Variants in PTH1R observed in about 807,000 individuals in gnomAD.
PTH1R encodes parathyroid hormone/parathyroid hormone-related peptide receptor.
In PTH1R, 32 loss-of-function variants were observed where a neutral mutation model predicts 70.7. The observed-to-expected ratio is 0.45, with a 90% CI of 0.34 to 0.61. PTH1R has a LOEUF of 0.61. PTH1R is among the 20% of genes least tolerant of loss of function. The probability of loss-of-function intolerance (pLI) is 0.01; values close to 1 mark genes in which losing one functional copy is unlikely to be tolerated. For synonymous variants in PTH1R, 329 were observed against 324.8 expected, an observed-to-expected ratio of 1.01 and a Z score of -0.14; for missense variants, 626 against 792.5, an observed-to-expected ratio of 0.79 and a Z score of 2.52.
rs775620857 is a variant in PTH1R, at chr3:46,903,242, C to G, written c.1396-28C>G. ...GCATCGCTGGGGTTGGGAGACACACCTGACTGCCGCACCCTTACTGCCCCA... is the reference window on the plus strand; with the variant it reads ...GCATCGCTGGGGTTGGGAGACACACGTGACTGCCGCACCCTTACTGCCCCA... On this transcript the variant is annotated intron_variant, in intron 15 of 15. Coordinates refer to ENST00000449590, the MANE Select transcript of PTH1R (RefSeq NM_000316.3). The surrounding 1 kb of genome is among the most constrained non-coding windows in gnomAD (Gnocchi z 4.4). 5 of 1,611,120 alleles carry G rather than the reference C, an allele frequency of 3.1e-6. No homozygotes were observed. The highest frequency in any genetic ancestry group is 4.2e-6 in the Non-Finnish European group (5 of 1,179,680).
intron 8 of PTH1R, 92 bp downstream of exon 8, chr3:46,898,564 C>CCGGCGGGTGTCCCTACCTA: frequency 6.3e-7 from 1 of 1,598,454 alleles, no homozygotes; most frequent in South Asian, 1.1e-5. Flanking sequence ...CCCATCACCC[C>CCGGCGGGTGTCCCTACCTA]CGGCGGGTGT....
chr3:46,894,730 G>T (rs2031636965), intron 4 of PTH1R, among the ~76,000 whole-genome samples: 1 of 152,018 alleles, frequency 6.6e-6, no homozygotes, highest in African/African-American at 2.4e-5. Context: ...CCCAGTCCAG[G>T]CTGCTTGGAC....
At chr3:46,899,583 G>C in intron 10 of PTH1R, 127 bp downstream of exon 10, 1 of 1,231,778 alleles carries the variant, frequency 8.1e-7, no homozygotes, top group Non-Finnish European at 1.1e-6. Context: ...CAGGAGAGAG[G>C]CCTGCCGCCC....
At chr3:46,900,748 T>C (rs1332384333) in intron 10 of PTH1R, among the ~76,000 whole-genome samples, 4 of 152,110 alleles carry the variant, frequency 2.6e-5, no homozygotes, top group Non-Finnish European at 5.9e-5. Flanking sequence ...AGTGATACCT[T>C]ATTATTATAT....
At chr3:46,878,174 T>C (rs2030343960) in intron 1 of PTH1R, among the ~76,000 whole-genome samples, 1 of 152,186 alleles carries the variant, frequency 6.6e-6, no homozygotes, top group African/African-American at 2.4e-5. Flanking sequence ...ATGCTTCTGC[T>C]GCAAGGGAAG....
Position 46,902,820 on chromosome 3 carries a change from AG to A in PTH1R, c.1395+33del. On this transcript the variant is annotated intron_variant, in intron 15 of 15. Coordinates refer to ENST00000449590, the MANE Select transcript of PTH1R (RefSeq NM_000316.3). The surrounding 1 kb of genome is among the most constrained non-coding windows in gnomAD (Gnocchi z 5.4). ...GCAGGAGACAGTGTTGGCATAGGGCAGGGTGGGGCAGATACCCCAGAGGCTT... is the reference window on the plus strand; with the variant it reads ...GCAGGAGACAGTGTTGGCATAGGGCAGGTGGGGCAGATACCCCAGAGGCTT... The A allele has an allele frequency of 6.2e-7, 1 of 1,613,246 alleles. No homozygotes were observed. Among genetic ancestry groups the A allele is most frequent in the Non-Finnish European group, 8.5e-7 (1 of 1,179,806 alleles).
Position 46,901,280 on chromosome 3 carries a change from A to G in PTH1R, c.1050-134A>G. ...CAAAGAGGCCTGTGAGGGAGGCCTCAGGCCTGGCCACACCCAGCACCCCTG... is the reference window on the plus strand; with the variant it reads ...CAAAGAGGCCTGTGAGGGAGGCCTCGGGCCTGGCCACACCCAGCACCCCTG... On this transcript the variant is annotated intron_variant, in intron 11 of 15. Transcript: ENST00000449590. This position sits in a 1 kb window ranked among gnomAD's most constrained non-coding sequence, Gnocchi z 7.3. 2 of 1,296,806 alleles carry G rather than the reference A, an allele frequency of 1.5e-6. No homozygotes were observed. Among genetic ancestry groups the G allele is most frequent in the Non-Finnish European group, 2.2e-6 (2 of 921,624 alleles). The allele number at this position is 1,296,806 out of a possible 1,614,324, so 80.3% of individuals were successfully genotyped here.
At chr3:46,899,717 C>G (rs1296250498) in intron 10 of PTH1R, among the ~76,000 whole-genome samples, 1 of 152,198 alleles carries the variant, frequency 6.6e-6, no homozygotes, top group Non-Finnish European at 1.5e-5. Flanking sequence ...GAGGAACCAT[C>G]AGGCCAAGAT....
At position 46,903,431 on chromosome 3, in the gene PTH1R, C is replaced by T. The variant is rs1475236504; in HGVS notation, c.1557C>T (p.Ser519=). ...GTGTGGGACTCGGCCTGCCCCTCAG[C>T]CCCCGCCTACTGCCCACTGCCACCA... is the stretch of plus-strand genomic sequence containing the variant. The part of the protein sequence containing the change: ...GPRVGLGLPL[S]PRLLPTATTN... The change falls in exon 16 of 16, where the codon AGC becomes AGT. Residue 519 remains serine (S), a synonymous_variant. Coordinates refer to ENST00000449590, the MANE Select transcript of PTH1R (RefSeq NM_000316.3). This position sits in a 1 kb window ranked among gnomAD's most constrained non-coding sequence, Gnocchi z 4.4. The T allele has an allele frequency of 6.2e-6, 10 of 1,613,256 alleles. No homozygotes were observed. The Admixed American group carries it at 1.5e-4, about 24-fold the overall frequency.
At chr3:46,881,926 T>C (rs1307155633) in intron 2 of PTH1R, 1 of 152,118 alleles carries the variant, frequency 6.6e-6, no homozygotes, top group Non-Finnish European at 1.5e-5. Context: ...TCAGGGTCTC[T>C]ATTCGCCAGC....
rs1249451742 is a variant in PTH1R at position 46,882,768 on chromosome 3, C to G, written c.-48-744C>G. ...AGCTAGAGACGGACTGACAGACAGG[C>G]AGACCGACAGAGCGTCGGGGCCGCT... is the stretch of plus-strand genomic sequence containing the variant. On this transcript the variant is annotated intron_variant, in intron 2 of 15. Transcript: ENST00000449590. The surrounding 1 kb of genome is among the most constrained non-coding windows in gnomAD (Gnocchi z 4.3). Among the ~76,000 whole-genome samples, 2 of 152,076 alleles carry G rather than the reference C, an allele frequency of 1.3e-5. No homozygotes were observed. The highest frequency in any genetic ancestry group is 2.9e-5 in the Non-Finnish European group (2 of 67,978).
Position 46,884,817 on chromosome 3 carries a change from G to A in PTH1R, c.75+1183G>A, listed in dbSNP as rs2030912420. Among the ~76,000 whole-genome samples the A allele has an allele frequency of 6.6e-6, 1 of 152,184 alleles. No individual in the cohort carries two copies. Among genetic ancestry groups the A allele is most frequent in the African/African-American group, 2.4e-5 (1 of 41,440 alleles). On this transcript the variant is annotated intron_variant, in intron 3 of 15. Transcript: ENST00000449590. The surrounding 1 kb of genome is among the most constrained non-coding windows in gnomAD (Gnocchi z 4.8). ...TCTCCGTGCCTCAGTTGCCCCATCT[G>A]TAAAAGAGAGGGCCTGGAAGAAACA...
rs1172497722 is a variant in PTH1R, at chr3:46,884,595, G to C, written c.75+961G>C. Reference sequence around the variant, plus strand: ...GAGCCCGTTCCTGGGGAGGCTGTCTGCCTGTGCGCCTAACTTCAAAGCCTC... The same window carrying C: ...GAGCCCGTTCCTGGGGAGGCTGTCTCCCTGTGCGCCTAACTTCAAAGCCTC... On this transcript the variant is annotated intron_variant, in intron 3 of 15. Transcript: ENST00000449590. This position sits in a 1 kb window ranked among gnomAD's most constrained non-coding sequence, Gnocchi z 4.8. Among the ~76,000 whole-genome samples, 1 of 152,138 alleles carries C rather than the reference G, an allele frequency of 6.6e-6. No homozygotes were observed. The highest frequency in any genetic ancestry group is 1.9e-4 in the East Asian group (1 of 5,172).
rs1263294131 is a variant in PTH1R, at chr3:46,884,914, C to A, written c.75+1280C>A. ...CCTCAGCACTTCCCACTTACCTGTG[C>A]CTACACCCTCACAATTCTGGCCCCA... is the stretch of plus-strand genomic sequence containing the variant. On this transcript the variant is annotated intron_variant, in intron 3 of 15. Transcript: ENST00000449590. The surrounding 1 kb of genome is among the most constrained non-coding windows in gnomAD (Gnocchi z 4.8). Among the ~76,000 whole-genome samples, 1 of 152,208 alleles carries A rather than the reference C, an allele frequency of 6.6e-6. No individual in the cohort carries two copies. The highest frequency in any genetic ancestry group is 6.5e-5 in the Admixed American group (1 of 15,284).
At chr3:46,886,396 C>T (rs1223401560) in intron 3 of PTH1R, among the ~76,000 whole-genome samples, 3 of 152,110 alleles carry the variant, frequency 2.0e-5, no homozygotes, top group Non-Finnish European at 4.4e-5. Context: ...CTCACTCTGT[C>T]GCCCAGGCTG....
chr3:46,900,211 C>A (rs574824828), intron 10 of PTH1R, among the ~76,000 whole-genome samples: 1 of 152,216 alleles, frequency 6.6e-6, no homozygotes, highest in Non-Finnish European at 1.5e-5. Flanking sequence ...TGACCCTGAC[C>A]TCACCATGAC....
chr3:46,890,304 C>T (rs939768455), intron 3 of PTH1R, among the ~76,000 whole-genome samples: 1 of 152,096 alleles, frequency 6.6e-6, no homozygotes, highest in Admixed American at 6.5e-5. Context: ...CCCAGATAAT[C>T]TCCCCCAGCC....
chr3:46,901,102 A>G lies in PTH1R; in HGVS notation c.1049+17A>G. 6.4e-7 allele frequency: 1 copy of G among 1,568,942 alleles called. No homozygotes were observed. The highest frequency in any genetic ancestry group is 8.7e-7 in the Non-Finnish European group (1 of 1,155,584). ...CAACACCGGGTAGGTCCAGGTGGAG[A>G]AGGGGCCCAGGCAAGAAGCACCCCT... On this transcript the variant is annotated intron_variant, in intron 11 of 15. Transcript: ENST00000449590. This position sits in a 1 kb window ranked among gnomAD's most constrained non-coding sequence, Gnocchi z 7.3.
intron 2 of PTH1R, among the ~76,000 whole-genome samples, chr3:46,881,451 C>CG (rs34407581): frequency 6.6e-6 from 1 of 152,006 alleles, no homozygotes; most frequent in Non-Finnish European, 1.5e-5. Flanking sequence ...GGGGTGGGAA[C>CG]GGGGGAGGGA....
Sources: gnomAD v4.1 joint callset for allele counts (sites outside exome capture counted in the v4.1 genomes callset) on GRCh38, gnomAD v4.1.1 for gene constraint, Gnocchi (gnomAD v3.1) non-coding constraint, MANE v1.5 for transcripts, NCBI Gene and HGNC (gene_info 2026-07-23, HGNC 2026-07-21) for gene names.